COL23A1: variants seen among roughly 807,000 people sequenced by gnomAD.
The protein encoded by COL23A1 is collagen alpha-1(XXIII) chain.
COL23A1 carries 97 observed loss-of-function variants against 99.3 expected under a neutral mutation model. That is an observed-to-expected ratio of 0.98 (90% CI 0.83 to 1.16). The LOEUF is 1.16. Ranked by LOEUF, COL23A1 falls within the 50% of genes most tolerant of loss-of-function variation. The pLI is 0.00. For missense variants in COL23A1, 762 were observed against 757.4 expected, an observed-to-expected ratio of 1.01 and a Z score of -0.07; for synonymous variants, 320 against 308.2, an observed-to-expected ratio of 1.04 and a Z score of -0.40.
At chr5:178,421,532 C>G (rs915311909) in intron 2 of COL23A1, among the ~76,000 whole-genome samples, 1 of 152,196 alleles carries the variant, frequency 6.6e-6, no homozygotes, top group Non-Finnish European at 1.5e-5. Context: ...TCCAAAGGCC[C>G]TGCCCACTGC....
intron 2 of COL23A1, among the ~76,000 whole-genome samples, chr5:178,352,583 C>T (rs141503362): frequency 3.3e-4 from 50 of 152,322 alleles, no homozygotes; most frequent in African/African-American, 1.2e-3. Flanking sequence ...CAATACACAG[C>T]AAAGACAAAC....
intron 2 of COL23A1, among the ~76,000 whole-genome samples, chr5:178,328,144 G>A (rs553965019): frequency 6.6e-6 from 1 of 152,140 alleles, no homozygotes; most frequent in African/African-American, 2.4e-5. Flanking sequence ...CGGCCCCTCT[G>A]CCCTTTGGCC....
At chr5:178,246,566 C>G in intron 22 of COL23A1, 113 bp from the exon 23 acceptor site, 1 of 1,090,854 alleles carries the variant, frequency 9.2e-7, no homozygotes. Flanking sequence ...CAGATCGAGG[C>G]TCCCCCAGGC....
In COL23A1 at chr5:178,560,065, C is replaced by A. The variant is rs1411310506; in HGVS notation, c.361+617G>T. The stretch of plus-strand genomic sequence containing the variant: ...GGGCCATGGCCTGTGCAAAGCTCCC[C>A]TGAGGACACCCAGGAGACCTGTTAT... On this transcript the variant is annotated intron_variant, in intron 2 of 28. Coordinates refer to ENST00000390654, the MANE Select transcript of COL23A1 (RefSeq NM_173465.4). 5.3e-5 allele frequency among the ~76,000 whole-genome samples: 8 copies of A among 152,320 alleles called. No individual in the cohort carries two copies. In the East Asian group the frequency reaches 1.2e-3, roughly 22 times the overall value.
intron 5 of COL23A1, among the ~76,000 whole-genome samples, chr5:178,273,521 T>C (rs1375793485): frequency 1.3e-5 from 2 of 152,162 alleles, no homozygotes; most frequent in Admixed American, 6.5e-5. Flanking sequence ...AGCTTCCCAA[T>C]AGAGGCAGAG....
chr5:178,397,364 T>A (rs1385157437), intron 2 of COL23A1, among the ~76,000 whole-genome samples: 1 of 152,054 alleles, frequency 6.6e-6, no homozygotes, highest in African/African-American at 2.4e-5. Flanking sequence ...GGGCAAGGAT[T>A]TAAGGACCCA....
Position 178,254,991 on chromosome 5 carries a change from T to G in COL23A1, c.918A>C (p.Thr306=), listed in dbSNP as rs781075086. The G allele has an allele frequency of 6.2e-7, 1 of 1,613,258 alleles. No homozygotes were observed. Among genetic ancestry groups the G allele is most frequent in the African/African-American group, 1.3e-5 (1 of 74,754 alleles). The change falls in exon 16 of 29, where the codon ACA becomes ACC. Residue 306 remains threonine (T), a synonymous_variant. Transcript: ENST00000390654. ...TCCTGCCATCATAGTCGATCACCAC[T>G]GTGTCTCCCTGCTCGCCCTTGAGGC... is the stretch of plus-strand genomic sequence containing the variant. ...APGLKGEQGD[T]VVIDYDGRIL...
chr5:178,427,078 T>G (rs908925685), intron 2 of COL23A1, among the ~76,000 whole-genome samples: 2 of 152,182 alleles, frequency 1.3e-5, no homozygotes, highest in African/African-American at 4.8e-5. Context: ...TGGGCACCTG[T>G]AATCCCAGGA....
chr5:178,444,569 C>G (rs1464797535), intron 2 of COL23A1, among the ~76,000 whole-genome samples: 2 of 152,060 alleles, frequency 1.3e-5, no homozygotes, highest in African/African-American at 4.8e-5. Flanking sequence ...CCAAGGCAGG[C>G]AGATCATCTG....
At chr5:178,466,975 T>C (rs934685600) in intron 2 of COL23A1, among the ~76,000 whole-genome samples, 7 of 152,256 alleles carry the variant, frequency 4.6e-5, no homozygotes, top group Admixed American at 1.3e-4. Flanking sequence ...ATGGGGATAA[T>C]AGTCCCTGTG....
At chr5:178,419,616 C>T (rs4544835) in intron 2 of COL23A1, among the ~76,000 whole-genome samples, 9 of 151,980 alleles carry the variant, frequency 5.9e-5, no homozygotes, top group Admixed American at 5.9e-4. Flanking sequence ...CTAATGTCGG[C>T]GTGTGGGGTT....
In COL23A1 at chr5:178,255,350, A is replaced by C. The variant is rs560308012; in HGVS notation, c.883-324T>G. Among the ~76,000 whole-genome samples, 1 of 152,218 alleles carries C rather than the reference A, an allele frequency of 6.6e-6. No homozygotes were observed. The highest frequency in any genetic ancestry group is 1.5e-5 in the Non-Finnish European group (1 of 68,036). ...TTCAGATTTTTCAATGTTGGCAACA[A>C]ACAGAAAAGCCCCAAACCCTCCAAA... On this transcript the variant is annotated intron_variant, in intron 15 of 28. Coordinates refer to ENST00000390654, the MANE Select transcript of COL23A1 (RefSeq NM_173465.4). This position sits in a 1 kb window ranked among gnomAD's most constrained non-coding sequence, Gnocchi z 4.2.
chr5:178,506,190 C>T (rs1452540273), intron 2 of COL23A1, among the ~76,000 whole-genome samples: 1 of 152,218 alleles, frequency 6.6e-6, no homozygotes, highest in East Asian at 1.9e-4. Flanking sequence ...CACTCCTTCC[C>T]CCTGGGCTGC....
At chr5:178,422,478 G>A (rs903887212) in intron 2 of COL23A1, among the ~76,000 whole-genome samples, 5 of 152,210 alleles carry the variant, frequency 3.3e-5, no homozygotes, top group Admixed American at 2.0e-4. Context: ...GGGCCAGCAG[G>A]TAGCAGCTAC....
intron 2 of COL23A1, among the ~76,000 whole-genome samples, chr5:178,329,868 C>T (rs1022354333): frequency 4.0e-5 from 6 of 150,344 alleles, no homozygotes; most frequent in Non-Finnish European, 8.8e-5. Flanking sequence ...ACCCGGGAGG[C>T]GGAGGTTGCA....
chr5:178,269,386 T>TCCACCCATCCATCCAC (rs1756112112), intron 6 of COL23A1, among the ~76,000 whole-genome samples: 1 of 68,964 alleles, frequency 1.5e-5, no homozygotes, highest in African/African-American at 6.5e-5. Context: ...TATCCATCCA[T>TCCACCCATCCATCCAC]CCACCCACCC....
intron 25 of COL23A1, 85 bp downstream of exon 25, chr5:178,245,857 G>A: frequency 6.7e-7 from 1 of 1,485,592 alleles, no homozygotes; most frequent in Non-Finnish European, 9.4e-7. Context: ...GGTCACACTT[G>A]AGTAGCCAGA....
intron 2 of COL23A1, among the ~76,000 whole-genome samples, chr5:178,473,219 TGTATCAG>T (rs1756853540): frequency 6.6e-6 from 1 of 152,150 alleles, no homozygotes; most frequent in Non-Finnish European, 1.5e-5. Flanking sequence ...GCTTTCACAC[TGTATCAG>T]GTATTATAAG....
chr5:178,561,228 GACCT>G (rs1167052435), intron 1 of COL23A1, among the ~76,000 whole-genome samples: 1 of 152,232 alleles, frequency 6.6e-6, no homozygotes, highest in Non-Finnish European at 1.5e-5. Flanking sequence ...ACCAGCCTGG[GACCT>G]GATGGCCCGG....
Sources: allele counts gnomAD v4.1 joint callset (sites outside exome capture counted in the v4.1 genomes callset), GRCh38; gene constraint gnomAD v4.1.1; non-coding constraint Gnocchi (gnomAD v3.1); transcripts MANE v1.5; gene names NCBI Gene and HGNC (gene_info 2026-07-23, HGNC 2026-07-21).